The following SORCS1 variants were observed in gnomAD, a reference collection of about 807,000 sequenced individuals.
SORCS1 encodes sortilin related VPS10 domain containing receptor 1.
In SORCS1, 60 loss-of-function variants were observed where a neutral mutation model predicts 146.1. That is an observed-to-expected ratio of 0.41 (90% CI 0.33 to 0.51). SORCS1 has a LOEUF of 0.51. SORCS1 is among the 20% of genes least tolerant of loss of function. SORCS1 has a pLI of 0.21. For synonymous variants in SORCS1, 637 were observed against 584.0 expected, an observed-to-expected ratio of 1.09 and a Z score of -1.31; for missense variants, 1,352 against 1,487.6, an observed-to-expected ratio of 0.91 and a Z score of 1.50.
chr10:106,783,062 TTTC>T (rs1209398630), intron 3 of SORCS1, among the ~76,000 whole-genome samples: 1 of 152,230 alleles, frequency 6.6e-6, no homozygotes, highest in Non-Finnish European at 1.5e-5. Context: ...CGGATTTGAA[TTTC>T]TTCTCTGCTA....
intron 2 of SORCS1, among the ~76,000 whole-genome samples, chr10:106,946,431 G>A (rs1369896278): frequency 6.6e-6 from 1 of 152,152 alleles, no homozygotes; most frequent in African/African-American, 2.4e-5. Context: ...ATGGGAGCGG[G>A]TCTTCCCCCA....
intron 17 of SORCS1, among the ~76,000 whole-genome samples, chr10:106,654,968 C>T (rs970386984): frequency 9.9e-5 from 15 of 152,002 alleles, no homozygotes; most frequent in Middle Eastern, 3.4e-3. Context: ...GCGATTCTCT[C>T]GCCTCAGCCA....
intron 2 of SORCS1, among the ~76,000 whole-genome samples, chr10:106,911,376 G>A (rs1952143311): frequency 6.6e-6 from 1 of 152,120 alleles, no homozygotes; most frequent in African/African-American, 2.4e-5. Flanking sequence ...GTCACTGCTG[G>A]TATAGCTAAC....
chr10:107,080,453 A>G (rs1305078139), intron 1 of SORCS1, among the ~76,000 whole-genome samples: 1 of 152,170 alleles, frequency 6.6e-6, no homozygotes, highest in African/African-American at 2.4e-5. Context: ...TCCTCAGGTT[A>G]AAAAAATCTT....
intron 3 of SORCS1, among the ~76,000 whole-genome samples, chr10:106,793,298 C>T (rs926901642): frequency 2.6e-5 from 4 of 152,042 alleles, no homozygotes; most frequent in Non-Finnish European, 5.9e-5. Flanking sequence ...AGGGGAATCA[C>T]GTATGCAAAA....
chr10:107,006,037 T>A (rs1957429261), intron 1 of SORCS1, among the ~76,000 whole-genome samples: 1 of 152,244 alleles, frequency 6.6e-6, no homozygotes, highest in Non-Finnish European at 1.5e-5. Flanking sequence ...TTTCCCTACA[T>A]TGTCCAATTT....
Position 106,940,195 on chromosome 10 carries a change from G to A in SORCS1, c.626+16318C>T, listed in dbSNP as rs77374792. On this transcript the variant is annotated intron_variant, in intron 2 of 25. Coordinates refer to ENST00000263054, the MANE Select transcript of SORCS1 (RefSeq NM_052918.5). The stretch of plus-strand genomic sequence containing the variant: ...CCTCAAGTGCAATGACAATAGATTA[G>A]AGCAAAACATGACATTTGAGTAAAC... Among the ~76,000 whole-genome samples the A allele has an allele frequency of 5.8e-3, 878 of 152,278 alleles. 12 individuals carry two copies. The highest frequency in any genetic ancestry group is 0.02 in the African/African-American group (847 of 41,552).
chr10:107,159,816 C>T lies in SORCS1; in HGVS notation c.558+4153G>A, dbSNP rs573790676. ...AAAGCTAAAATCTTTCATCATTTTA[C>T]TTTTTAAAAGGTCAGCTCCTCCCCA... On this transcript the variant is annotated intron_variant, in intron 1 of 25. Coordinates refer to ENST00000263054, the MANE Select transcript of SORCS1 (RefSeq NM_052918.5). Among the ~76,000 whole-genome samples the T allele has an allele frequency of 3.3e-5, 5 of 151,764 alleles. No homozygotes were observed. In the South Asian group the frequency reaches 1.0e-3, roughly 32 times the overall value.
chr10:106,946,568 A>T (rs1191388227), intron 2 of SORCS1, among the ~76,000 whole-genome samples: 1 of 152,226 alleles, frequency 6.6e-6, no homozygotes, highest in African/African-American at 2.4e-5. Context: ...ATTTTACACC[A>T]TGACTGTGGG....
At chr10:106,811,915 G>A (rs1044178642) in intron 3 of SORCS1, among the ~76,000 whole-genome samples, 1 of 152,058 alleles carries the variant, frequency 6.6e-6, no homozygotes, top group African/African-American at 2.4e-5. Flanking sequence ...ACATGACCTG[G>A]ACAATCCACT....
intron 3 of SORCS1, among the ~76,000 whole-genome samples, chr10:106,828,739 T>C (rs1420326684): frequency 6.6e-6 from 1 of 152,226 alleles, no homozygotes; most frequent in African/African-American, 2.4e-5. Flanking sequence ...GGTATAGATG[T>C]AGTACCACTC....
chr10:106,788,335 G>T (rs1234863557), intron 3 of SORCS1, among the ~76,000 whole-genome samples: 1 of 152,060 alleles, frequency 6.6e-6, no homozygotes, highest in Non-Finnish European at 1.5e-5. Flanking sequence ...AACCAATTAT[G>T]CCTTCCCAAC....
chr10:107,078,687 TTCAGGACCA>T (rs1963085884), intron 1 of SORCS1, among the ~76,000 whole-genome samples: 2 of 152,214 alleles, frequency 1.3e-5, no homozygotes, highest in Non-Finnish European at 2.9e-5. Context: ...TTGATCATTT[TTCAGGACCA>T]TCAGTGAACT....
chr10:106,819,102 T>C (rs371392031), intron 3 of SORCS1, among the ~76,000 whole-genome samples: 24 of 152,340 alleles, frequency 1.6e-4, no homozygotes, highest in African/African-American at 5.5e-4. Flanking sequence ...CATGGCCATA[T>C]AATTTGGAAC....
chr10:107,097,204 C>T (rs924479953), intron 1 of SORCS1, among the ~76,000 whole-genome samples: 3 of 152,136 alleles, frequency 2.0e-5, no homozygotes, highest in African/African-American at 7.2e-5. Context: ...AATCCAGGAG[C>T]ACAGCCCAAT....
rs183969787 is a variant in SORCS1, at chr10:106,824,075, G to A, written c.726+5499C>T. Reference sequence around the variant, plus strand: ...TCCCAGCACTTTGGGAGGCCGAGGCGGGTGGATCACCTGGGGTCAGGAGTT... The same window carrying A: ...TCCCAGCACTTTGGGAGGCCGAGGCAGGTGGATCACCTGGGGTCAGGAGTT... On this transcript the variant is annotated intron_variant, in intron 3 of 25. Coordinates refer to ENST00000263054, the MANE Select transcript of SORCS1 (RefSeq NM_052918.5). Among the ~76,000 whole-genome samples, 800 of 152,066 alleles carry A rather than the reference G, an allele frequency of 5.3e-3. 5 individuals are homozygous for A. The highest frequency in any genetic ancestry group is 0.018 in the African/African-American group (740 of 41,480).
rs774753201 is a variant in SORCS1 at position 106,829,599 on chromosome 10, T to A, written c.701A>T (p.Tyr234Phe). ...CTTACGCTTGTTGGTAGGACACACA[T>A]AGAGATAGCTCAAAATGGTTTTCAA... ...VGLKTILSYL[Y>F]VCPTNKRKIM... The change falls in exon 3 of 26, where the codon TAT becomes TTT. Residue 234 changes from tyrosine to phenylalanine, a missense_variant. Transcript: ENST00000263054. 3.1e-6 allele frequency: 5 copies of A among 1,604,360 alleles called. No individual in the cohort carries two copies. In the South Asian group the frequency reaches 3.3e-5, roughly 11 times the overall value.
At chr10:106,984,425 GCT>G (rs1838649782) in intron 1 of SORCS1, among the ~76,000 whole-genome samples, 11 of 120,076 alleles carry the variant, frequency 9.2e-5, no homozygotes, top group African/African-American at 3.7e-4. Context: ...ACAGAGTTTT[GCT>G]CTGTCATCCA....
At chr10:106,693,376 C>T (rs1198565280) in intron 9 of SORCS1, among the ~76,000 whole-genome samples, 1 of 152,226 alleles carries the variant, frequency 6.6e-6, no homozygotes, top group Non-Finnish European at 1.5e-5. Flanking sequence ...GTCTGTCTAA[C>T]TACAGAGTCT....
Sources: gnomAD v4.1 joint callset for allele counts (sites outside exome capture counted in the v4.1 genomes callset) on GRCh38, gnomAD v4.1.1 for gene constraint, MANE v1.5 for transcripts, NCBI Gene and HGNC (gene_info 2026-07-23, HGNC 2026-07-21) for gene names.